The following PDGFC variants were observed in gnomAD, a reference collection of about 807,000 sequenced individuals.
The protein encoded by PDGFC is platelet-derived growth factor C.
In PDGFC, 12 loss-of-function variants were observed where a neutral mutation model predicts 35.5. That is an observed-to-expected ratio of 0.34 (90% confidence interval 0.22 to 0.55). The LOEUF (loss-of-function observed/expected upper bound fraction) is 0.55, where lower values mean the gene tolerates loss of function less well. Ranked by LOEUF, PDGFC falls within the 20% of genes least tolerant of loss-of-function variation. PDGFC has a pLI of 0.91. For missense variants in PDGFC, 322 were observed against 412.4 expected (o/e 0.78, Z 1.90); for synonymous variants, 159 against 148.8 (o/e 1.07, Z -0.50).
intron 1 of PDGFC, among the ~76,000 whole-genome samples, chr4:156,925,876 C>T (rs545350741): frequency 2.0e-5 from 3 of 151,196 alleles, no homozygotes; most frequent in Admixed American, 6.6e-5. Context: ...CAGGGTGAAA[C>T]CCCGTCTCTA....
intron 3 of PDGFC, among the ~76,000 whole-genome samples, chr4:156,789,371 T>C (rs918316500): frequency 6.6e-6 from 1 of 152,256 alleles, no homozygotes; most frequent in African/African-American, 2.4e-5. Flanking sequence ...AATTTGTTTA[T>C]GAAAATACAT....
intron 2 of PDGFC, among the ~76,000 whole-genome samples, chr4:156,823,232 C>T (rs1456279104): frequency 2.0e-5 from 3 of 152,080 alleles, no homozygotes; most frequent in Non-Finnish European, 4.4e-5. Flanking sequence ...TAGCAAGACC[C>T]TGTCTCTGAG....
At chr4:156,939,349 C>A (rs1283000100) in intron 1 of PDGFC, among the ~76,000 whole-genome samples, 1 of 152,054 alleles carries the variant, frequency 6.6e-6, no homozygotes, top group Admixed American at 6.5e-5. Context: ...AAAAATAACT[C>A]GATGAGTCAG....
At chr4:156,813,349 C>T (rs1436561328) in intron 2 of PDGFC, among the ~76,000 whole-genome samples, 1 of 152,020 alleles carries the variant, frequency 6.6e-6, no homozygotes, top group Non-Finnish European at 1.5e-5. Context: ...GATACAAACA[C>T]ATAACTAAAG....
At chr4:156,796,759 C>A (rs1472183387) in intron 3 of PDGFC, among the ~76,000 whole-genome samples, 1 of 151,746 alleles carries the variant, frequency 6.6e-6, no homozygotes, top group Non-Finnish European at 1.5e-5. Flanking sequence ...CAGCAGGAAC[C>A]CAATATAATA....
At chr4:156,956,515 T>C (rs1284578745) in intron 1 of PDGFC, among the ~76,000 whole-genome samples, 1 of 152,042 alleles carries the variant, frequency 6.6e-6, no homozygotes, top group Non-Finnish European at 1.5e-5. Context: ...GAAGATTATC[T>C]GACATTAACC....
At chr4:156,888,787 A>G (rs1043781197) in intron 1 of PDGFC, among the ~76,000 whole-genome samples, 2 of 152,042 alleles carry the variant, frequency 1.3e-5, no homozygotes, top group Non-Finnish European at 2.9e-5. Context: ...TTGGTGTGCA[A>G]ACCTTCAGTA....
chr4:156,796,125 TTAGA>T (rs1183002964), intron 3 of PDGFC, among the ~76,000 whole-genome samples: 1 of 152,124 alleles, frequency 6.6e-6, no homozygotes, highest in African/African-American at 2.4e-5. Context: ...CTGCAGAGTT[TTAGA>T]TAAAGATTAT....
intron 1 of PDGFC, among the ~76,000 whole-genome samples, chr4:156,964,514 T>G (rs1420083670): frequency 6.6e-6 from 1 of 151,084 alleles, no homozygotes; most frequent in African/African-American, 2.4e-5. Context: ...ATTTGACTAA[T>G]GTGATTATTA....
At chr4:156,827,274 G>A (rs1248300921) in intron 2 of PDGFC, among the ~76,000 whole-genome samples, 20 of 152,086 alleles carry the variant, frequency 1.3e-4, no homozygotes, top group African/African-American at 3.1e-4. Context: ...AAAATTAGCC[G>A]GGTGTGGTGG....
At chr4:156,798,140 C>T (rs1045361933) in intron 3 of PDGFC, among the ~76,000 whole-genome samples, 11 of 152,152 alleles carry the variant, frequency 7.2e-5, no homozygotes, top group African/African-American at 1.4e-4. Context: ...TGCAGTGAGC[C>T]GAGATTGCAA....
At chr4:156,781,117 A>G (rs1452598253) in intron 3 of PDGFC, among the ~76,000 whole-genome samples, 1 of 152,150 alleles carries the variant, frequency 6.6e-6, no homozygotes, top group East Asian at 1.9e-4. Flanking sequence ...CCTATTTCTT[A>G]TCAACACATT....
chr4:156,950,444 T>G (rs1732052635), intron 1 of PDGFC, among the ~76,000 whole-genome samples: 1 of 151,884 alleles, frequency 6.6e-6, no homozygotes, highest in Non-Finnish European at 1.5e-5. Context: ...CCCTTTCCAT[T>G]GTCTAGTCAC....
intron 1 of PDGFC, among the ~76,000 whole-genome samples, chr4:156,970,272 T>C (rs1479962430): frequency 1.3e-5 from 2 of 152,172 alleles, no homozygotes; most frequent in Non-Finnish European, 2.9e-5. Flanking sequence ...AATACACTTT[T>C]TAATTCCTCT....
intron 3 of PDGFC, among the ~76,000 whole-genome samples, chr4:156,801,154 A>G (rs1731595088): frequency 6.6e-6 from 1 of 152,096 alleles, no homozygotes; most frequent in South Asian, 2.1e-4. Flanking sequence ...TCAGACTCTT[A>G]ACAGGTCCTG....
At chr4:156,901,855 G>C (rs1423781428) in intron 1 of PDGFC, among the ~76,000 whole-genome samples, 1 of 151,986 alleles carries the variant, frequency 6.6e-6, no homozygotes, top group Non-Finnish European at 1.5e-5. Flanking sequence ...CAAGTGATCT[G>C]CCCGCCTCGG....
chr4:156,769,946 T>C lies in PDGFC; in HGVS notation c.704-1956A>G, dbSNP rs17035203. On this transcript the variant is annotated intron_variant, in intron 4 of 5. Transcript: ENST00000502773. ...TGCTTATTTAAGAATTATACTTCTT[T>C]AGAATGTGAGTGAAGAAGCTCTCAG... Among the ~76,000 whole-genome samples the C allele has an allele frequency of 0.015, 2,353 of 152,156 alleles. 128 individuals are homozygous for C. The South Asian group carries it at 0.17, about 11-fold the overall frequency.
intron 1 of PDGFC, among the ~76,000 whole-genome samples, chr4:156,862,599 C>T (rs1456204657): frequency 1.3e-5 from 2 of 152,170 alleles, no homozygotes; most frequent in African/African-American, 2.4e-5. Context: ...ATGGACATTA[C>T]ACAAATAATC....
chr4:156,893,005 TTTA>T (rs2111199348), intron 1 of PDGFC, among the ~76,000 whole-genome samples: 1 of 152,272 alleles, frequency 6.6e-6, no homozygotes, highest in South Asian at 2.1e-4. Flanking sequence ...ACCACACAGA[TTTA>T]TTACATACCA....
Sources: allele counts gnomAD v4.1 joint callset (sites outside exome capture counted in the v4.1 genomes callset), GRCh38; gene constraint gnomAD v4.1.1; transcripts MANE v1.5; gene names NCBI Gene and HGNC (gene_info 2026-07-23, HGNC 2026-07-21).